TMEM232: variants seen among roughly 807,000 people sequenced by gnomAD.
TMEM232 encodes the protein transmembrane protein 232.
In TMEM232, 80 loss-of-function variants were observed where a neutral mutation model predicts 78.8. The ratio of observed to expected loss-of-function variants is 1.01; its 90% CI spans 0.85 to 1.22. The LOEUF is 1.22. Among genes scored for constraint, TMEM232 ranks in the 50% most tolerant of loss-of-function variants. The probability of loss-of-function intolerance (pLI) is 0.00; values close to 1 mark genes in which losing one functional copy is unlikely to be tolerated. For missense variants in TMEM232, 881 were observed against 742.2 expected, an observed-to-expected ratio of 1.19 and a Z score of -2.17; for synonymous variants, 297 against 254.3, an observed-to-expected ratio of 1.17 and a Z score of -1.60.
chr5:110,597,033 G>C (rs1183175506), intron 10 of TMEM232, among the ~76,000 whole-genome samples: 2 of 152,026 alleles, frequency 1.3e-5, no homozygotes, highest in Non-Finnish European at 2.9e-5. Flanking sequence ...GGCAGGAGAA[G>C]GAAATAAAGG....
intron 2 of TMEM232, among the ~76,000 whole-genome samples, chr5:110,662,650 T>C (rs1449389447): frequency 6.6e-6 from 1 of 152,088 alleles, no homozygotes; most frequent in East Asian, 1.9e-4. Context: ...AATGGGCCAG[T>C]GAAGCAGACT....
chr5:110,664,004 G>C (rs1790193924), intron 2 of TMEM232, among the ~76,000 whole-genome samples: 1 of 151,964 alleles, frequency 6.6e-6, no homozygotes, highest in Non-Finnish European at 1.5e-5. Flanking sequence ...TCCGTGTATG[G>C]TGACATGTGC....
intron 12 of TMEM232, among the ~76,000 whole-genome samples, chr5:110,429,462 G>A (rs1488593): frequency 0.029 from 4,399 of 151,822 alleles, 227 homozygotes; most frequent in East Asian, 0.21. Context: ...AGACATACTG[G>A]TAAAAAGTGA....
intron 1 of TMEM232, among the ~76,000 whole-genome samples, chr5:110,698,672 T>A (rs909608970): frequency 1.8e-4 from 27 of 152,112 alleles, no homozygotes; most frequent in African/African-American, 6.5e-4. Flanking sequence ...TTGCTAGAGG[T>A]CTAAATTAGC....
intron 12 of TMEM232, among the ~76,000 whole-genome samples, chr5:110,458,648 C>T (rs1485646075): frequency 6.6e-6 from 1 of 152,168 alleles, no homozygotes; most frequent in Non-Finnish European, 1.5e-5. Context: ...TTTAACCACT[C>T]AGTTGAAATC....
At chr5:110,584,523 T>C (rs1039623863) in intron 10 of TMEM232, among the ~76,000 whole-genome samples, 1 of 152,056 alleles carries the variant, frequency 6.6e-6, no homozygotes, top group African/African-American at 2.4e-5. Flanking sequence ...TGCGAATCAA[T>C]GGGTATAACA....
At chr5:110,575,946 C>G (rs1777527532) in intron 10 of TMEM232, among the ~76,000 whole-genome samples, 1 of 151,946 alleles carries the variant, frequency 6.6e-6, no homozygotes, top group African/African-American at 2.4e-5. Context: ...GCAAAAGTAG[C>G]CACAACTCCA....
intron 1 of TMEM232, among the ~76,000 whole-genome samples, chr5:110,683,739 T>G (rs1398103641): frequency 6.6e-6 from 1 of 151,866 alleles, no homozygotes. Flanking sequence ...TCTGTGGCAG[T>G]ATGGGAAAGG....
chr5:110,698,790 T>G (rs1264887396), intron 1 of TMEM232, among the ~76,000 whole-genome samples: 2 of 152,104 alleles, frequency 1.3e-5, no homozygotes, highest in Admixed American at 1.3e-4. Flanking sequence ...AAAAGTAAGG[T>G]CAACCAAGCA....
chr5:110,484,673 A>G (rs1046368222), intron 12 of TMEM232, among the ~76,000 whole-genome samples: 2 of 152,104 alleles, frequency 1.3e-5, no homozygotes, highest in African/African-American at 4.8e-5. Context: ...AACTAATATA[A>G]AACAGACTAT....
At chr5:110,710,136 C>A (rs186757031) in intron 1 of TMEM232, among the ~76,000 whole-genome samples, 206 of 152,100 alleles carry the variant, frequency 1.4e-3, no homozygotes, top group African/African-American at 4.9e-3. Flanking sequence ...CTAGGAGCAA[C>A]TCTACGCCAA....
chr5:110,624,948 CA>C (rs1166672816), intron 7 of TMEM232, among the ~76,000 whole-genome samples: 1 of 151,560 alleles, frequency 6.6e-6, no homozygotes, highest in Non-Finnish European at 1.5e-5. Flanking sequence ...ATAAGTTTAA[CA>C]AAAAAATAAA....
intron 2 of TMEM232, among the ~76,000 whole-genome samples, chr5:110,657,379 A>AG (rs1789225056): frequency 3.3e-5 from 3 of 90,142 alleles, no homozygotes; most frequent in South Asian, 3.8e-4. Context: ...ATGGATATCT[A>AG]TCTGAGTGTG....
intron 2 of TMEM232, among the ~76,000 whole-genome samples, chr5:110,404,431 A>G (rs986092450): frequency 6.6e-6 from 1 of 152,070 alleles, no homozygotes; most frequent in African/African-American, 2.4e-5. Flanking sequence ...TATTTATCTT[A>G]TGTCTATCTT....
At chr5:110,560,735 G>C (rs1037500129) in intron 11 of TMEM232, among the ~76,000 whole-genome samples, 6 of 152,284 alleles carry the variant, frequency 3.9e-5, no homozygotes, top group African/African-American at 1.2e-4. Context: ...TTAAACCACA[G>C]TGACTTTTTC....
intron 1 of TMEM232, among the ~76,000 whole-genome samples, chr5:110,717,069 T>C (rs944414427): frequency 3.3e-5 from 5 of 152,128 alleles, no homozygotes; most frequent in East Asian, 3.9e-4. Flanking sequence ...GAGGTCATTA[T>C]AGGCAATCTG....
At chr5:110,486,832 T>G (rs945636502) in intron 12 of TMEM232, among the ~76,000 whole-genome samples, 4 of 152,080 alleles carry the variant, frequency 2.6e-5, no homozygotes, top group Non-Finnish European at 4.4e-5. Context: ...TTTAGAATTT[T>G]TTTTTTCTAA....
At chr5:110,431,202 A>C (rs1016264712) in intron 12 of TMEM232, among the ~76,000 whole-genome samples, 5 of 151,540 alleles carry the variant, frequency 3.3e-5, no homozygotes, top group African/African-American at 1.2e-4. Flanking sequence ...GAAGGCTAAG[A>C]AGCCAAGCAA....
At chr5:110,506,699 G>T (rs1033719479) in intron 12 of TMEM232, among the ~76,000 whole-genome samples, 2 of 152,240 alleles carry the variant, frequency 1.3e-5, no homozygotes, top group East Asian at 3.9e-4. Context: ...TTCAGCAACA[G>T]AGCATATAAA....
Sources: gnomAD v4.1 joint callset for allele counts (sites outside exome capture counted in the v4.1 genomes callset) on GRCh38, gnomAD v4.1.1 for gene constraint, MANE v1.5 for transcripts, NCBI Gene and HGNC (gene_info 2026-07-23, HGNC 2026-07-21) for gene names.